The following WDR59 variants were observed in gnomAD, a reference collection of about 807,000 sequenced individuals.
WDR59 encodes WD repeat domain 59, also known as GATOR2 complex protein WDR59.
A neutral mutation model predicts 131.2 loss-of-function variants in WDR59; 100 were observed. That is an observed-to-expected ratio of 0.76 (90% confidence interval 0.65 to 0.90). WDR59 has a LOEUF of 0.90. Among genes scored for constraint, WDR59 ranks in the 40% least tolerant of loss-of-function variants. The pLI is 0.00. For missense variants in WDR59, 1,203 were observed against 1,262.2 expected (o/e 0.95, Z 0.71); for synonymous variants, 601 against 466.2 (o/e 1.29, Z -3.72).
At chr16:74,934,759 GC>G (rs2031667158) in intron 8 of WDR59, among the ~76,000 whole-genome samples, 1 of 152,022 alleles carries the variant, frequency 6.6e-6, no homozygotes, top group South Asian at 2.1e-4. Context: ...ACCAGCCTGG[GC>G]AAGACAGTGA....
intron 1 of WDR59, among the ~76,000 whole-genome samples, chr16:74,977,305 G>T (rs2034225668): frequency 6.6e-6 from 1 of 151,862 alleles, no homozygotes; most frequent in Non-Finnish European, 1.5e-5. Flanking sequence ...GAAAAGGCAA[G>T]CTACAACTTG....
intron 6 of WDR59, among the ~76,000 whole-genome samples, chr16:74,947,651 T>C (rs766952411): frequency 6.6e-6 from 1 of 152,254 alleles, no homozygotes; most frequent in Non-Finnish European, 1.5e-5. Context: ...GCTTAGATAC[T>C]TGATGATATT....
At chr16:74,977,074 C>T (rs1426070947) in intron 1 of WDR59, among the ~76,000 whole-genome samples, 1 of 151,884 alleles carries the variant, frequency 6.6e-6, no homozygotes, top group Non-Finnish European at 1.5e-5. Context: ...TTCTGTTCAT[C>T]AAAAGACAGC....
chr16:74,909,519 C>G lies in WDR59; in HGVS notation c.1624G>C (p.Ala542Pro). ...GACCCACCTGCTCCGCAGAACCTGG[C>G]CCCAGAAGTCCTAGGAAAGGGAATG... ...ANIPFPRTSG[A>P]RFCGAGYLVY... The change falls in exon 16 of 26, where the codon GCC becomes CCC. Residue 542 changes from alanine to proline, a missense_variant. Ala to Pro is a conservative substitution (Grantham distance 27). Transcript: ENST00000262144. 6.3e-7 allele frequency: 1 copy of G among 1,587,314 alleles called. No homozygotes were observed. The highest frequency in any genetic ancestry group is 8.5e-7 in the Non-Finnish European group (1 of 1,169,930).
At chr16:74,921,805 A>C in intron 10 of WDR59, 142 bp downstream of exon 10, 1 of 997,738 alleles carries the variant, frequency 1.0e-6, no homozygotes, top group South Asian at 1.8e-5. Context: ...CCTATGACGA[A>C]AGGTGGCAAC....
intron 1 of WDR59, among the ~76,000 whole-genome samples, chr16:74,979,729 T>TG (rs1408729910): frequency 6.7e-6 from 1 of 149,412 alleles, no homozygotes; most frequent in Non-Finnish European, 1.5e-5. Flanking sequence ...TTAGTACAGA[T>TG]GGGGTTTCAC....
chr16:74,884,947 G>A (rs771831530), intron 25 of WDR59, among the ~76,000 whole-genome samples: 3 of 151,998 alleles, frequency 2.0e-5, no homozygotes, highest in Non-Finnish European at 2.9e-5. Flanking sequence ...TGTTCTCCCT[G>A]CCCCCACATC....
In WDR59 at chr16:74,981,087, C is replaced by T. The variant is rs543245529; in HGVS notation, c.54+3877G>A. Among the ~76,000 whole-genome samples the T allele has an allele frequency of 1.8e-3, 274 of 151,916 alleles. 4 individuals carry two copies. The highest frequency in any genetic ancestry group is 0.015 in the Admixed American group (232 of 15,226). ...TGCAAAAAAAAACACACAAAAAGGCCGGGTGCGGTGGCTCACGCCTGTAAT... is the reference window on the plus strand; with the variant it reads ...TGCAAAAAAAAACACACAAAAAGGCTGGGTGCGGTGGCTCACGCCTGTAAT... On this transcript the variant is annotated intron_variant, in intron 1 of 25. Transcript: ENST00000262144.
rs1303783366 is a variant in WDR59 at position 74,892,530 on chromosome 16, T to C, written c.2036A>G (p.Lys679Arg). ...NVNDIQETCQ[K>R]NAASALLVGR... ...AACGAGCAAGGCAGAGGCGGCATTC[T>C]TCTGACATGTTTCCTGAATATCATT... The change falls in exon 20 of 26, where the codon AAG becomes AGG. Residue 679 changes from lysine to arginine, a missense_variant. Physicochemically the swap from Lys to Arg is conservative, Grantham distance 26. Coordinates refer to ENST00000262144, the MANE Select transcript of WDR59 (RefSeq NM_030581.4). 2 of 1,613,908 alleles carry C rather than the reference T, an allele frequency of 1.2e-6. No homozygotes were observed. The highest frequency in any genetic ancestry group is 3.3e-5 in the Admixed American group (2 of 60,032).
chr16:74,969,439 A>AT (rs780770395), intron 1 of WDR59, among the ~76,000 whole-genome samples: 2 of 151,710 alleles, frequency 1.3e-5, no homozygotes, highest in African/African-American at 2.4e-5. Flanking sequence ...CGCTCGGCTA[A>AT]TTTTTTTATT....
intron 21 of WDR59, 103 bp from the exon 22 acceptor site, chr16:74,888,422 G>T: frequency 4.0e-6 from 5 of 1,248,286 alleles, no homozygotes; most frequent in Non-Finnish European, 5.5e-6. Context: ...GGGAAGGGAG[G>T]AGTCTTGATT....
chr16:74,918,432 T>C (rs1330334905), intron 10 of WDR59, among the ~76,000 whole-genome samples: 2 of 152,226 alleles, frequency 1.3e-5, no homozygotes, highest in African/African-American at 4.8e-5. Context: ...TGTTCGTCCT[T>C]TTACATGCTC....
Position 74,922,020 on chromosome 16 carries a change from C to G in WDR59, c.813G>C (p.Leu271Phe), listed in dbSNP as rs368487315. The G allele has an allele frequency of 1.9e-6, 3 of 1,614,086 alleles. No individual in the cohort carries two copies. Among genetic ancestry groups the G allele is most frequent in the Non-Finnish European group, 2.5e-6 (3 of 1,180,052 alleles). ...CCACGAAGGTGTGGACTGGGGTGTT[C>G]AAGTCAAAGACATTCCACAGGAGAA... The part of the protein sequence containing the change: ...NSLLLWNVFD[L>F]NTPVHTFVGH... The change falls in exon 10 of 26, where the codon TTG (leucine) becomes TTC (phenylalanine). Residue 271 changes from leucine (L) to phenylalanine (F), a missense_variant. Leu to Phe is a conservative substitution (Grantham distance 22). Coordinates refer to ENST00000262144, the MANE Select transcript of WDR59 (RefSeq NM_030581.4).
chr16:74,888,040 C>T (rs989004836), intron 22 of WDR59, 129 bp downstream of exon 22: 6 of 1,230,070 alleles, frequency 4.9e-6, no homozygotes, highest in Non-Finnish European at 5.5e-6. Flanking sequence ...ATTGCTTGAA[C>T]CCAGGAGGCG....
intron 13 of WDR59, among the ~76,000 whole-genome samples, chr16:74,913,295 C>T (rs1329309153): frequency 6.7e-6 from 1 of 150,274 alleles, no homozygotes; most frequent in Non-Finnish European, 1.5e-5. Context: ...GACAGGGTCT[C>T]ACTTTGTCAC....
chr16:74,923,099 AAGTC>A (rs2030411928), intron 9 of WDR59, among the ~76,000 whole-genome samples: 1 of 152,208 alleles, frequency 6.6e-6, no homozygotes, highest in African/African-American at 2.4e-5. Context: ...TTTCAAAAGA[AAGTC>A]AGCTTGTGAA....
intron 2 of WDR59, among the ~76,000 whole-genome samples, chr16:74,958,684 A>C (rs1032744169): frequency 8.0e-5 from 12 of 149,926 alleles, no homozygotes; most frequent in Admixed American, 5.4e-4. Flanking sequence ...GCTTCCCCCC[A>C]ACTGGAGGCT....
In WDR59 at chr16:74,954,137, G is replaced by A. The variant is rs182772877; in HGVS notation, c.240+2338C>T. 4.8e-3 allele frequency among the ~76,000 whole-genome samples: 724 copies of A among 152,206 alleles called. 6 individuals are homozygous for A. Among genetic ancestry groups the A allele is most frequent in the African/African-American group, 0.012 (480 of 41,532 alleles). On this transcript the variant is annotated intron_variant, in intron 3 of 25. Coordinates refer to ENST00000262144, the MANE Select transcript of WDR59 (RefSeq NM_030581.4). ...CTAAAACCACAATAAGGCTGGGTGC[G>A]GTGGCTCATGCCTGTAATCCAAGCA...
chr16:74,972,524 G>C (rs1296597732), intron 1 of WDR59, among the ~76,000 whole-genome samples: 3 of 152,060 alleles, frequency 2.0e-5, no homozygotes, highest in African/African-American at 7.2e-5. Flanking sequence ...CGGCTTTGCA[G>C]TCAGAATTAG....
Sources: allele counts gnomAD v4.1 joint callset (sites outside exome capture counted in the v4.1 genomes callset), GRCh38; gene constraint gnomAD v4.1.1; transcripts MANE v1.5; gene names NCBI Gene and HGNC (gene_info 2026-07-23, HGNC 2026-07-21).